Variants in ASB10 observed in about 807,000 individuals in gnomAD.
The protein encoded by ASB10 is ankyrin repeat and SOCS box containing 10.
ASB10 carries 44 observed loss-of-function variants against 35.4 expected under a neutral mutation model. The ratio of observed to expected loss-of-function variants is 1.24; its 90% CI spans 0.98 to 1.60. The LOEUF (loss-of-function observed/expected upper bound fraction) is 1.60. Among genes scored for constraint, ASB10 ranks in the 40% most tolerant of loss-of-function variants. The probability of loss-of-function intolerance (pLI) is 0.00; values close to 1 mark genes in which losing one functional copy is unlikely to be tolerated. For synonymous variants in ASB10, 294 were observed against 280.4 expected (o/e 1.05, Z -0.49); for missense variants, 647 against 634.3 (o/e 1.02, Z -0.22).
intron 3 of ASB10, among the ~76,000 whole-genome samples, chr7:151,178,738 A>C (rs960559314): frequency 1.5e-4 from 23 of 152,142 alleles, no homozygotes; most frequent in African/African-American, 5.6e-4. Context: ...CCCTGGAGAA[A>C]GCATTTTACA....
intron 2 of ASB10, 23 bp downstream of exon 2, chr7:151,186,369 G>A (rs1801589600): frequency 1.3e-6 from 2 of 1,564,624 alleles, no homozygotes; most frequent in South Asian, 1.2e-5. Flanking sequence ...TGGAACTGGG[G>A]GTTGGGGTGA....
intron 2 of ASB10, among the ~76,000 whole-genome samples, chr7:151,183,617 C>T (rs1283293315): frequency 9.9e-5 from 15 of 151,912 alleles, no homozygotes. Flanking sequence ...ACGGAGTTTC[C>T]CTCTTTCGCC....
chr7:151,182,124 G>T (rs1031879085), intron 2 of ASB10, among the ~76,000 whole-genome samples: 1 of 152,216 alleles, frequency 6.6e-6, no homozygotes, highest in African/African-American at 2.4e-5. Context: ...ACTGAGGTTT[G>T]AGGATCTCAT....
chr7:151,186,519 G>T lies in ASB10; in HGVS notation c.457C>A (p.His153Asn). ...GTGTGGCCTGCAGCACAGGCCTCGT[G>T]CAGGGCGGTGCGGCCCCCAGGGGCA... ...DSAPGGRTAL[H>N]EACAAGHTAC... Residue 153 changes from histidine (H) to asparagine (N), a missense_variant, in exon 2 of 6, where the codon CAC (histidine) becomes AAC (asparagine). His to Asn is a moderately conservative substitution (Grantham distance 68). Coordinates refer to ENST00000420175, the MANE Select transcript of ASB10 (RefSeq NM_001142459.2). 6.2e-7 allele frequency: 1 copy of T among 1,602,832 alleles called. No individual in the cohort carries two copies. The highest frequency in any genetic ancestry group is 8.5e-7 in the Non-Finnish European group (1 of 1,175,188).
chr7:151,181,958 C>A (rs897894791), intron 2 of ASB10, among the ~76,000 whole-genome samples: 9 of 152,172 alleles, frequency 5.9e-5, no homozygotes, highest in African/African-American at 2.2e-4. Context: ...TTGGGATAAT[C>A]CACTAAATCA....
chr7:151,186,421 C>T lies in ASB10; in HGVS notation c.555G>A (p.Leu185=). Residue 185 remains leucine (L), a synonymous_variant, in exon 2 of 6, where the codon CTG becomes CTA. Transcript: ENST00000420175. The part of the protein sequence containing the change: ...NIADQDGKRP[L]HLCRGPGTLE... Reference sequence around the variant, plus strand: ...GGGTGCCAGGCCCCCGGCAGAGATGCAGGGGGCGTTTCCCATCCTGGTCAG... The same window carrying T: ...GGGTGCCAGGCCCCCGGCAGAGATGTAGGGGGCGTTTCCCATCCTGGTCAG... 1 of 1,587,698 alleles carries T rather than the reference C, an allele frequency of 6.3e-7. No homozygotes were observed. The highest frequency in any genetic ancestry group is 8.6e-7 in the Non-Finnish European group (1 of 1,167,276).
Position 151,186,879 on chromosome 7 carries a change from A to G in ASB10, c.252T>C (p.Asp84=), listed in dbSNP as rs148358026. 61 of 1,613,526 alleles carry G rather than the reference A, an allele frequency of 3.8e-5. No individual in the cohort carries two copies. The African/African-American group carries it at 7.5e-4, about 20-fold the overall frequency. Residue 84 remains aspartate, a synonymous_variant, in exon 1 of 6, where the codon GAT becomes GAC. Transcript: ENST00000420175. ...CTGGGTCGCTGGTATCAAAGACGGA[A>G]TCAGGAGCCAGGCCAGTACTGGAGT... The part of the protein sequence containing the change: ...LADSSTGLAP[D]SVFDTSDPER...
Position 151,186,587 on chromosome 7 carries a change from T to TTG in ASB10, c.388_389insCA (p.Glu130AlafsTer8). On this transcript the variant is annotated frameshift_variant, in exon 2 of 6. Coordinates refer to ENST00000420175, the MANE Select transcript of ASB10 (RefSeq NM_001142459.2). LOFTEE classifies it high-confidence loss of function. ...CCGCCTCAGCAGCAGCCGCAGGACTTCCGTGTGGCCACGGCTGGCTGCCAC... is the reference window on the plus strand; with the variant it reads ...CCGCCTCAGCAGCAGCCGCAGGACTTTGCCGTGTGGCCACGGCTGGCTGCCAC... The TTG allele has an allele frequency of 6.2e-7, 1 of 1,609,534 alleles. No individual in the cohort carries two copies. Among genetic ancestry groups the TTG allele is most frequent in the South Asian group, 1.1e-5 (1 of 90,340 alleles).
At chr7:151,176,022 C>A in intron 5 of ASB10, 56 bp from the exon 6 acceptor site, 1 of 1,455,810 alleles carries the variant, frequency 6.9e-7, no homozygotes, top group South Asian at 1.3e-5. Context: ...CGGGCCGGTT[C>A]TGGCTAGGGC....
chr7:151,177,506 C>G (rs1801410371), intron 3 of ASB10, among the ~76,000 whole-genome samples: 2 of 152,184 alleles, frequency 1.3e-5, no homozygotes, highest in Non-Finnish European at 2.9e-5. Flanking sequence ...GGAAGGGGTC[C>G]CTGACCTGTG....
chr7:151,186,835 C>G lies in ASB10; in HGVS notation c.296G>C (p.Arg99Pro). The G allele has an allele frequency of 6.2e-7, 1 of 1,602,144 alleles. No homozygotes were observed. ...TSDPERWRDFRFNIRALRLWS... is the reference protein window; with the variant it reads ...TSDPERWRDFPFNIRALRLWS... Reference sequence around the variant, plus strand: ...CGTACTCAGAGCACGGATGTTGAAGCGGAAATCCCTCCATCGCTCTGGGTC... The same window carrying G: ...CGTACTCAGAGCACGGATGTTGAAGGGGAAATCCCTCCATCGCTCTGGGTC... Residue 99 changes from arginine (R) to proline (P), a missense_variant, in exon 1 of 6, where the codon CGC (arginine) becomes CCC (proline). Transcript: ENST00000420175.
chr7:151,178,836 G>C (rs975657748), intron 3 of ASB10, among the ~76,000 whole-genome samples: 1 of 152,138 alleles, frequency 6.6e-6, no homozygotes, highest in Non-Finnish European at 1.5e-5. Flanking sequence ...CCTCCTCCAA[G>C]CTAGGGAAGA....
chr7:151,181,584 G>T, intron 2 of ASB10, 126 bp from the exon 3 acceptor site: 1 of 1,388,092 alleles, frequency 7.2e-7, no homozygotes, highest in Non-Finnish European at 9.4e-7. Context: ...GGTCATCCTG[G>T]CACCATTCTG....
chr7:151,187,560 AG>A, upstream of ASB10: 1 of 1,551,508 alleles, frequency 6.4e-7, no homozygotes. The surrounding 1 kb of genome is among the most constrained non-coding windows in gnomAD (Gnocchi z 5.3). Context: ...TCCCCGGTGT[AG>A]AGGGCATTCT....
In ASB10 at chr7:151,181,430, CT is replaced by C; in HGVS notation, c.612del (p.Ala205ArgfsTer31). 1 of 1,603,688 alleles carries C rather than the reference CT, an allele frequency of 6.2e-7. No homozygotes were observed. Among genetic ancestry groups the C allele is most frequent in the South Asian group, 1.1e-5 (1 of 90,236 alleles). ...LECAELLLRF[G>X]ARVDGRSEEE... ...TCCTCGGACCGACCATCCACTCTCGCTCCAAACCTGAGGAGCAGCTCCGCAC... is the reference window on the plus strand; with the variant it reads ...TCCTCGGACCGACCATCCACTCTCGCCCAAACCTGAGGAGCAGCTCCGCAC... On this transcript the variant is annotated frameshift_variant, in exon 3 of 6. Transcript: ENST00000420175. LOFTEE classifies it high-confidence loss of function.
In ASB10 at chr7:151,186,485, ACACAGGCAGTGTGGCCTGCAG is replaced by A. The variant is rs1333030578; in HGVS notation, c.470_490del (p.Ala157_Cys163del). Reference sequence around the variant, plus strand: ...GGCTCCTGCCACCAGCAGCACATGAACACAGGCAGTGTGGCCTGCAGCACAGGCCTCGTGCAGGGCGGTGCG... The same window carrying A: ...GGCTCCTGCCACCAGCAGCACATGAACACAGGCCTCGTGCAGGGCGGTGCG... On this transcript the variant is annotated inframe_deletion, in exon 2 of 6. Transcript: ENST00000420175. 6.2e-7 allele frequency: 1 copy of A among 1,600,276 alleles called. No homozygotes were observed. Among genetic ancestry groups the A allele is most frequent in the Non-Finnish European group, 8.5e-7 (1 of 1,173,742 alleles).
chr7:151,180,942 G>T lies in ASB10; in HGVS notation c.1101C>A (p.Pro367=). The T allele has an allele frequency of 1.3e-6, 2 of 1,528,462 alleles. No homozygotes were observed. Among genetic ancestry groups the T allele is most frequent in the South Asian group, 2.5e-5 (2 of 80,846 alleles). 94.7% of individuals were successfully genotyped at this position (1,528,462 alleles called of 1,614,324 possible). A position where few individuals can be genotyped will look rare whatever the true frequency, so the allele number is the denominator to read the frequency against. ...CTGCTGCCTGCAGCCCCCATACCTTGGGGAGGGCCCCTGGCCAGACACGGA... is the reference window on the plus strand; with the variant it reads ...CTGCTGCCTGCAGCCCCCATACCTTTGGGAGGGCCCCTGGCCAGACACGGA... ...GAVRVWPGAL[P]KVLERWSTCP... The change falls in exon 3 of 6, where the codon CCC becomes CCA. Residue 367 remains proline, a synonymous_variant. Transcript: ENST00000420175.
intron 2 of ASB10, 85 bp from the exon 3 acceptor site, chr7:151,181,543 C>T (rs553614808): frequency 1.3e-4 from 196 of 1,453,536 alleles, no homozygotes; most frequent in Non-Finnish European, 1.8e-5. Flanking sequence ...GTTCTGTCTC[C>T]CCCCACCCAC....
rs777251313 is a variant in ASB10 at position 151,181,473 on chromosome 7, C to T, written c.585-15G>A. ...GCTCCGCACACCTATTGGGGGGAGA[C>T]GGTGGTGGGGAGGAAAGCGGGCACG... is the stretch of plus-strand genomic sequence containing the variant. On this transcript the variant is annotated splice_polypyrimidine_tract_variant and intron_variant, in intron 2 of 5. Coordinates refer to ENST00000420175, the MANE Select transcript of ASB10 (RefSeq NM_001142459.2). 17 of 1,563,648 alleles carry T rather than the reference C, an allele frequency of 1.1e-5. 1 individual carries two copies. The highest frequency in any genetic ancestry group is 3.5e-5 in the Admixed American group (2 of 56,894).
Sources: allele counts gnomAD v4.1 joint callset (sites outside exome capture counted in the v4.1 genomes callset), GRCh38; gene constraint gnomAD v4.1.1; non-coding constraint Gnocchi (gnomAD v3.1); transcripts MANE v1.5; gene names NCBI Gene and HGNC (gene_info 2026-07-23, HGNC 2026-07-21).